The following MAML2 variants were observed in gnomAD, a reference collection of about 807,000 sequenced individuals.
MAML2 encodes mastermind like transcriptional coactivator 2.
Under a neutral mutation model 96.1 loss-of-function variants are expected in MAML2, and 22 were observed. The observed-to-expected ratio is 0.23, with a 90% confidence interval of 0.16 to 0.33. The LOEUF is 0.33. Among genes scored for constraint, MAML2 ranks in the 10% least tolerant of loss-of-function variants. The pLI is 1.00. For synonymous variants in MAML2, 561 were observed against 521.3 expected, an observed-to-expected ratio of 1.08 and a Z score of -1.04; for missense variants, 1,367 against 1,392.4, an observed-to-expected ratio of 0.98 and a Z score of 0.29.
intron 1 of MAML2, among the ~76,000 whole-genome samples, chr11:96,155,800 C>T (rs1253369227): frequency 1.3e-5 from 2 of 151,940 alleles, no homozygotes; most frequent in Non-Finnish European, 2.9e-5. Context: ...ACATTTCTAG[C>T]TATGCTGCTG....
At chr11:96,246,643 A>C (rs1329728826) in intron 1 of MAML2, among the ~76,000 whole-genome samples, 1 of 152,186 alleles carries the variant, frequency 6.6e-6, no homozygotes, top group African/African-American at 2.4e-5. Flanking sequence ...TTTCAGTCAA[A>C]GTATGAATGG....
At chr11:96,142,771 TC>T (rs973574672) in intron 1 of MAML2, among the ~76,000 whole-genome samples, 1 of 152,188 alleles carries the variant, frequency 6.6e-6, no homozygotes, top group African/African-American at 2.4e-5. Context: ...GACGTATCTC[TC>T]CATCAGGTTT....
chr11:96,030,166 G>A (rs1858590235), intron 2 of MAML2, among the ~76,000 whole-genome samples: 3 of 151,992 alleles, frequency 2.0e-5, no homozygotes, highest in Admixed American at 1.3e-4. Flanking sequence ...AACCTGGGAG[G>A]CGGAGCTTGC....
intron 1 of MAML2, among the ~76,000 whole-genome samples, chr11:96,131,105 T>C (rs533942990): frequency 1.3e-5 from 2 of 151,774 alleles, no homozygotes; most frequent in South Asian, 4.2e-4. Flanking sequence ...AAGATGTATG[T>C]TGGGAGAATG....
intron 2 of MAML2, among the ~76,000 whole-genome samples, chr11:96,083,676 G>A (rs574720324): frequency 5.6e-4 from 85 of 152,312 alleles, no homozygotes; most frequent in Non-Finnish European, 1.1e-3. Flanking sequence ...AAGAAAGGAC[G>A]ATAAGTCAAT....
In MAML2 at chr11:96,092,075, T is replaced by TTGCTGCTGCTGCTGCTGTTGTTGC. The variant is rs1565211309; in HGVS notation, c.1932_1955dup (p.Gln658_Gln665dup). On this transcript the variant is annotated inframe_insertion, in exon 2 of 5. Coordinates refer to ENST00000524717, the MANE Select transcript of MAML2 (RefSeq NM_032427.4). The surrounding 1 kb of genome is among the most constrained non-coding windows in gnomAD (Gnocchi z 4.1). ...GCTGCTGCTGTTGTTGCTGTTGTTGTTGCTGCTGCTGCTGCTGTTGTTGCT... is the reference window on the plus strand; with the variant it reads ...GCTGCTGCTGTTGTTGCTGTTGTTGTTGCTGCTGCTGCTGCTGTTGTTGCTGCTGCTGCTGCTGCTGTTGTTGCT... The TTGCTGCTGCTGCTGCTGTTGTTGC allele has an allele frequency of 1.2e-5, 19 of 1,548,002 alleles. No individual in the cohort carries two copies. The highest frequency in any genetic ancestry group is 1.2e-4 in the Admixed American group (6 of 50,868).
In MAML2 at chr11:96,053,866, T is replaced by A. The variant is rs965049513; in HGVS notation, c.2139+38026A>T. Among the ~76,000 whole-genome samples the A allele has an allele frequency of 2.6e-5, 4 of 152,202 alleles. No individual in the cohort carries two copies. In the East Asian group the frequency reaches 7.7e-4, roughly 29 times the overall value. On this transcript the variant is annotated intron_variant, in intron 2 of 4. Coordinates refer to ENST00000524717, the MANE Select transcript of MAML2 (RefSeq NM_032427.4). ...AACATCTTTCCTTTCTCTCTTCATC[T>A]GTTTGGTATTTTGTCTGCTCCTTCC...
chr11:96,302,089 A>T (rs759334593), intron 1 of MAML2, among the ~76,000 whole-genome samples: 1 of 152,180 alleles, frequency 6.6e-6, no homozygotes, highest in Non-Finnish European at 1.5e-5. Flanking sequence ...TCCATTCATT[A>T]TCATTATTTC....
At chr11:95,994,068 C>T (rs1312982184) in intron 2 of MAML2, among the ~76,000 whole-genome samples, 2 of 152,160 alleles carry the variant, frequency 1.3e-5, no homozygotes, top group East Asian at 1.9e-4. Flanking sequence ...CTGCCTGTCA[C>T]GTGAGACAGG....
intron 1 of MAML2, among the ~76,000 whole-genome samples, chr11:96,097,656 A>G (rs1303971618): frequency 2.0e-5 from 3 of 152,184 alleles, no homozygotes; most frequent in African/African-American, 7.2e-5. Flanking sequence ...CTGTTTCAAA[A>G]TATATTAATT....
chr11:96,202,786 G>A (rs768487288), intron 1 of MAML2, among the ~76,000 whole-genome samples: 4 of 151,960 alleles, frequency 2.6e-5, no homozygotes, highest in Non-Finnish European at 5.9e-5. Flanking sequence ...ATGCCACCAC[G>A]CCTGGCTAAT....
chr11:96,022,788 A>T (rs1270631096), intron 2 of MAML2, among the ~76,000 whole-genome samples: 1 of 152,188 alleles, frequency 6.6e-6, no homozygotes, highest in Non-Finnish European at 1.5e-5. Context: ...GGATCAGATG[A>T]AAGGATGTTT....
chr11:96,178,723 T>A (rs1263571088), intron 1 of MAML2, among the ~76,000 whole-genome samples: 5 of 152,170 alleles, frequency 3.3e-5, no homozygotes, highest in African/African-American at 1.2e-4. Context: ...TCGTCACCAG[T>A]GTTCCAAGAG....
chr11:96,177,916 T>TTGTGTGTGTGTGTGTG lies in MAML2; in HGVS notation c.514-84415_514-84400dup, dbSNP rs58447778. Among the ~76,000 whole-genome samples, 203 of 139,930 alleles carry TTGTGTGTGTGTGTGTG rather than the reference T, an allele frequency of 1.5e-3. 3 individuals carry two copies. Among genetic ancestry groups the TTGTGTGTGTGTGTGTG allele is most frequent in the African/African-American group, 5.1e-3 (193 of 37,688 alleles). 91.8% of individuals were successfully genotyped at this position (139,930 alleles called of 152,430 possible). The stretch of plus-strand genomic sequence containing the variant: ...AAAATTGAATATCTGGAGACCTTAG[T>TTGTGTGTGTGTGTGTG]TGTGTGTGTGTGTGTGTGTGTGTGT... On this transcript the variant is annotated intron_variant, in intron 1 of 4. Coordinates refer to ENST00000524717, the MANE Select transcript of MAML2 (RefSeq NM_032427.4).
At chr11:96,245,334 G>A (rs968192393) in intron 1 of MAML2, among the ~76,000 whole-genome samples, 1 of 150,120 alleles carries the variant, frequency 6.7e-6, no homozygotes, top group African/African-American at 2.5e-5. Context: ...ATATGAGAAT[G>A]TTTTGATAAA....
At chr11:96,073,880 G>A (rs565519186) in intron 2 of MAML2, among the ~76,000 whole-genome samples, 1 of 149,998 alleles carries the variant, frequency 6.7e-6, no homozygotes, top group South Asian at 2.1e-4. Context: ...ATGGTGTTCT[G>A]TGGACGTGTG....
At chr11:96,319,030 T>G (rs1221967485) in intron 1 of MAML2, among the ~76,000 whole-genome samples, 2 of 152,136 alleles carry the variant, frequency 1.3e-5, no homozygotes, top group East Asian at 3.8e-4. Flanking sequence ...GAAGAGAAAA[T>G]GTGTGACTTT....
chr11:96,078,707 G>A (rs1859485768), intron 2 of MAML2, among the ~76,000 whole-genome samples: 1 of 152,218 alleles, frequency 6.6e-6, no homozygotes, highest in South Asian at 2.1e-4. Flanking sequence ...GGTGAGAAAA[G>A]CAATCAGAGG....
chr11:96,110,446 A>G (rs1399693793), intron 1 of MAML2, among the ~76,000 whole-genome samples: 4 of 152,152 alleles, frequency 2.6e-5, no homozygotes, highest in African/African-American at 9.7e-5. Context: ...CCTTTTCTCT[A>G]TCCCAACAGG....
Sources: gnomAD v4.1 joint callset for allele counts (sites outside exome capture counted in the v4.1 genomes callset) on GRCh38, gnomAD v4.1.1 for gene constraint, Gnocchi (gnomAD v3.1) non-coding constraint, MANE v1.5 for transcripts, NCBI Gene and HGNC (gene_info 2026-07-23, HGNC 2026-07-21) for gene names.